The following ADAM19 variants were observed in gnomAD, a reference collection of about 807,000 sequenced individuals.
The protein encoded by ADAM19 is disintegrin and metalloproteinase domain-containing protein 19.
ADAM19 carries 65 observed loss-of-function variants against 114.7 expected under a neutral mutation model. That is an observed-to-expected ratio of 0.57 (90% CI 0.46 to 0.70). The LOEUF (loss-of-function observed/expected upper bound fraction) is 0.70. ADAM19 is among the 30% of genes least tolerant of loss of function. ADAM19 has a pLI of 0.00. For missense variants in ADAM19, 1,063 were observed against 1,204.7 expected (o/e 0.88, Z 1.74); for synonymous variants, 466 against 460.5 (o/e 1.01, Z -0.15).
At position 157,480,831 on chromosome 5, in the gene ADAM19, T is replaced by C. The variant is rs1052386139; in HGVS notation, c.*118A>G. The C allele has an allele frequency of 9.1e-6, 14 of 1,535,208 alleles. No individual in the cohort carries two copies. The highest frequency in any genetic ancestry group is 2.2e-4 in the Middle Eastern group (1 of 4,470). On this transcript the variant is annotated 3_prime_UTR_variant, in exon 23 of 23. Coordinates refer to ENST00000257527, the MANE Select transcript of ADAM19 (RefSeq NM_033274.5). ...AGATTTTTGGAGATGTGGAGGTTCC[T>C]GGAGGAGGGTGGGAGGAGCTCAGAG...
At chr5:157,561,910 AC>A (rs1757518862) in intron 3 of ADAM19, among the ~76,000 whole-genome samples, 1 of 151,604 alleles carries the variant, frequency 6.6e-6, no homozygotes, top group Non-Finnish European at 1.5e-5. Flanking sequence ...CTGAAATGTC[AC>A]AGAGGCACGT....
At chr5:157,529,085 T>C (rs1362306479) in intron 5 of ADAM19, among the ~76,000 whole-genome samples, 4 of 152,202 alleles carry the variant, frequency 2.6e-5, no homozygotes, top group Non-Finnish European at 5.9e-5. Flanking sequence ...AAATTGATCA[T>C]GGTGGGATTA....
At chr5:157,566,087 C>G (rs1016848378) in intron 2 of ADAM19, 1 of 135,144 alleles carries the variant, frequency 7.4e-6, no homozygotes, top group Non-Finnish European at 1.5e-5. Context: ...CCAGCCTGAG[C>G]GACAGAGCGA....
Position 157,482,729 on chromosome 5 carries a change from T to C in ADAM19, c.2551-786A>G, listed in dbSNP as rs560623935. Among the ~76,000 whole-genome samples, 32 of 152,322 alleles carry C rather than the reference T, an allele frequency of 2.1e-4. 1 individual carries two copies. The highest frequency in any genetic ancestry group is 2.1e-4 in the South Asian group (1 of 4,832). On this transcript the variant is annotated intron_variant, in intron 21 of 22. Coordinates refer to ENST00000257527, the MANE Select transcript of ADAM19 (RefSeq NM_033274.5). Reference sequence around the variant, plus strand: ...GGATATATACCCAAAGGATTATAAATCATTCTACTATAAAGACACATGTAC... The same window carrying C: ...GGATATATACCCAAAGGATTATAAACCATTCTACTATAAAGACACATGTAC...
intron 2 of ADAM19, among the ~76,000 whole-genome samples, chr5:157,570,208 C>T (rs1037221272): frequency 2.6e-5 from 4 of 152,014 alleles, no homozygotes; most frequent in Non-Finnish European, 4.4e-5. Flanking sequence ...CACAGTGAGC[C>T]GAGATCATGT....
At chr5:157,506,212 A>G (rs989684287) in intron 10 of ADAM19, among the ~76,000 whole-genome samples, 1 of 152,220 alleles carries the variant, frequency 6.6e-6, no homozygotes, top group Admixed American at 6.5e-5. Context: ...GTGTTTCCTG[A>G]GAAAACCACA....
intron 7 of ADAM19, among the ~76,000 whole-genome samples, chr5:157,514,778 T>C (rs1756042857): frequency 6.6e-6 from 1 of 152,224 alleles, no homozygotes; most frequent in Non-Finnish European, 1.5e-5. Flanking sequence ...GCTGCAATGA[T>C]GAAGGAAAGC....
rs1366043747 is a variant in ADAM19 at position 157,509,422 on chromosome 5, C to A, written c.784G>T (p.Val262Leu). Residue 262 changes from valine (V) to leucine (L), a missense_variant, in exon 9 of 23, where the codon GTG becomes TTG. Physicochemically the swap from Val to Leu is conservative, Grantham distance 32. Coordinates refer to ENST00000257527, the MANE Select transcript of ADAM19 (RefSeq NM_033274.5). ...TCACACATGTTCCCGTGGGTCCACA[C>A]TTCCAAGCCCACGAGAGCAATCCGG... is the stretch of plus-strand genomic sequence containing the variant. Reference protein sequence around the residue: ...NIRIALVGLEVWTHGNMCEVS... With the variant: ...NIRIALVGLELWTHGNMCEVS... The A allele has an allele frequency of 1.2e-6, 2 of 1,612,024 alleles. No individual in the cohort carries two copies. Among genetic ancestry groups the A allele is most frequent in the Non-Finnish European group, 1.7e-6 (2 of 1,178,982 alleles).
chr5:157,502,177 T>G (rs965708026), intron 12 of ADAM19, among the ~76,000 whole-genome samples: 1 of 152,108 alleles, frequency 6.6e-6, no homozygotes. Context: ...TTTTCAGCCT[T>G]CAAAAAATAG....
At chr5:157,549,705 G>A (rs1757137297) in intron 3 of ADAM19, among the ~76,000 whole-genome samples, 1 of 152,192 alleles carries the variant, frequency 6.6e-6, no homozygotes, top group Non-Finnish European at 1.5e-5. Context: ...CTCTCCCACA[G>A]AGTCTAAACT....
chr5:157,484,734 C>T (rs946132657), intron 21 of ADAM19, among the ~76,000 whole-genome samples: 1 of 152,228 alleles, frequency 6.6e-6, no homozygotes, highest in Non-Finnish European at 1.5e-5. Context: ...TTCCCCAGCT[C>T]AGAATAGCTG....
At chr5:157,498,406 C>T (rs988856899) in intron 13 of ADAM19, among the ~76,000 whole-genome samples, 1 of 152,224 alleles carries the variant, frequency 6.6e-6, no homozygotes, top group African/African-American at 2.4e-5. Flanking sequence ...GGCAGCGGGG[C>T]CTTGGGCACC....
intron 14 of ADAM19, among the ~76,000 whole-genome samples, chr5:157,495,020 C>T (rs1292042492): frequency 4.6e-5 from 7 of 151,834 alleles, no homozygotes; most frequent in African/African-American, 1.2e-4. Context: ...GATGGATTCT[C>T]GCTCTGTCAC....
At chr5:157,487,127 G>A (rs889298147) in intron 21 of ADAM19, among the ~76,000 whole-genome samples, 25 of 152,242 alleles carry the variant, frequency 1.6e-4, no homozygotes, top group Admixed American at 2.0e-4. Flanking sequence ...CCAGTGTGCA[G>A]TACTCTGCTA....
At position 157,509,440 on chromosome 5, in the gene ADAM19, C is replaced by T. The variant is rs1309925501; in HGVS notation, c.766G>A (p.Ala256Thr). ...KFYRSLNIRI[A>T]LVGLEVWTHG... ...GTCCACACTTCCAAGCCCACGAGAG[C>T]AATCCGGATGTTCAAGGATCGGTAA... The change falls in exon 9 of 23, where the codon GCT becomes ACT. Residue 256 changes from alanine to threonine, a missense_variant. Around this residue, in one of 3 missense-constraint regions of ADAM19, gnomAD observed 615 missense variants for 706.3 expected, o/e 0.87. Transcript: ENST00000257527. 6.2e-7 allele frequency: 1 copy of T among 1,607,162 alleles called. No homozygotes were observed. Among genetic ancestry groups the T allele is most frequent in the South Asian group, 1.1e-5 (1 of 89,484 alleles).
chr5:157,493,703 A>T (rs1360765047), intron 15 of ADAM19, among the ~76,000 whole-genome samples: 1 of 152,026 alleles, frequency 6.6e-6, no homozygotes, highest in African/African-American at 2.4e-5. Context: ...TCTAATTTTC[A>T]CACTGCTCTC....
At chr5:157,551,410 C>A (rs868400254) in intron 3 of ADAM19, among the ~76,000 whole-genome samples, 1,006 of 37,220 alleles carry the variant, frequency 0.027, 22 homozygotes, top group African/African-American at 0.095. Flanking sequence ...TCCCCCCAAC[C>A]CCAAAAAAAA....
chr5:157,542,062 C>T (rs1756932864), intron 3 of ADAM19, among the ~76,000 whole-genome samples: 1 of 152,070 alleles, frequency 6.6e-6, no homozygotes, highest in South Asian at 2.1e-4. Context: ...GCATTTATAC[C>T]CTGATGATGC....
chr5:157,501,809 G>A (rs1482250526), intron 12 of ADAM19, among the ~76,000 whole-genome samples: 2 of 152,120 alleles, frequency 1.3e-5, no homozygotes, highest in African/African-American at 4.8e-5. Flanking sequence ...AGTGCTTTGG[G>A]AGGCCGAGGT....
Sources: gnomAD v4.1 joint callset for allele counts (sites outside exome capture counted in the v4.1 genomes callset) on GRCh38, gnomAD v4.1.1 for gene constraint, gnomAD v4.1.1 regional missense constraint, MANE v1.5 for transcripts, NCBI Gene and HGNC (gene_info 2026-07-23, HGNC 2026-07-21) for gene names.